Variants in CKAP5 observed in about 807,000 individuals in gnomAD.
CKAP5 encodes cytoskeleton associated protein 5.
CKAP5 carries 27 observed loss-of-function variants against 232.8 expected under a neutral mutation model. The observed-to-expected ratio is 0.12, with a 90% confidence interval of 0.09 to 0.16. CKAP5 has a LOEUF of 0.16. Among genes scored for constraint, CKAP5 ranks in the 10% least tolerant of loss-of-function variants. CKAP5 has a pLI of 1.00. For missense variants in CKAP5, 1,838 were observed against 2,424.7 expected (o/e 0.76, Z 5.08); for synonymous variants, 785 against 841.1 (o/e 0.93, Z 1.16).
chr11:46,743,892 C>T lies in CKAP5; in HGVS notation c.*131G>A. 1 of 1,126,386 alleles carries T rather than the reference C, an allele frequency of 8.9e-7. No individual in the cohort carries two copies. Among genetic ancestry groups the T allele is most frequent in the South Asian group, 1.4e-5 (1 of 69,392 alleles). The allele number at this position is 1,126,386 out of a possible 1,614,324, so 69.8% of individuals were successfully genotyped here. A position where few individuals can be genotyped will look rare whatever the true frequency, so the allele number is the denominator to read the frequency against. ...ACAAATACTTGTGCCACAATGACTC[C>T]TCCCCCTAGCTCCACGGCATGATAC... On this transcript the variant is annotated 3_prime_UTR_variant, in exon 44 of 44. Coordinates refer to ENST00000529230, the MANE Select transcript of CKAP5 (RefSeq NM_001008938.4).
chr11:46,785,586 C>A (rs956560914), intron 16 of CKAP5, among the ~76,000 whole-genome samples: 2 of 152,180 alleles, frequency 1.3e-5, no homozygotes, highest in Non-Finnish European at 2.9e-5. Flanking sequence ...AGTGGGATCT[C>A]ACCTCAGCCT....
At chr11:46,771,527 G>A (rs1321322650) in intron 24 of CKAP5, among the ~76,000 whole-genome samples, 2 of 152,000 alleles carry the variant, frequency 1.3e-5, no homozygotes, top group Admixed American at 1.3e-4. Context: ...ACAATTCCTT[G>A]GAGATTTATC....
intron 37 of CKAP5, chr11:46,752,986 A>C: frequency 2.3e-6 from 1 of 427,086 alleles, no homozygotes. Context: ...GTACAAGAAA[A>C]ATGTAACTGA....
chr11:46,745,997 CG>C (rs1272818263), intron 42 of CKAP5, among the ~76,000 whole-genome samples: 1 of 151,926 alleles, frequency 6.6e-6, no homozygotes, highest in Non-Finnish European at 1.5e-5. Context: ...CTTGGAAAGG[CG>C]TAATTTAAGG....
intron 28 of CKAP5, among the ~76,000 whole-genome samples, 199 bp downstream of exon 28, chr11:46,764,931 CA>C (rs2065189062): frequency 5.3e-5 from 1 of 18,720 alleles, no homozygotes; most frequent in Non-Finnish European, 1.2e-4. Flanking sequence ...TTTCTATTTA[CA>C]GGGAAAAATA....
chr11:46,788,477 G>A (rs1296528937), intron 16 of CKAP5, among the ~76,000 whole-genome samples: 1 of 152,144 alleles, frequency 6.6e-6, no homozygotes, highest in African/African-American at 2.4e-5. Flanking sequence ...GGGAGGCTGA[G>A]GCAGGAGAAT....
intron 42 of CKAP5, among the ~76,000 whole-genome samples, chr11:46,749,966 G>C (rs371264395): frequency 8.6e-5 from 13 of 151,218 alleles, no homozygotes; most frequent in African/African-American, 2.9e-4. Flanking sequence ...AAGTGAGCAA[G>C]AATCAGTCAA....
intron 6 of CKAP5, 77 bp downstream of exon 6, chr11:46,809,665 C>A: frequency 6.5e-7 from 1 of 1,529,324 alleles, no homozygotes. Context: ...ACAAAATATG[C>A]CTAATGAACA....
intron 4 of CKAP5, among the ~76,000 whole-genome samples, chr11:46,814,262 T>C (rs566227312): frequency 6.6e-6 from 1 of 151,692 alleles, no homozygotes; most frequent in African/African-American, 2.4e-5. Context: ...TCTAAGATAA[T>C]AGAATGAGCA....
At chr11:46,752,192 A>ATATG (rs2065071748) in intron 38 of CKAP5, among the ~76,000 whole-genome samples, 1 of 92,638 alleles carries the variant, frequency 1.1e-5, no homozygotes, top group Non-Finnish European at 2.4e-5. Flanking sequence ...ATATATATAT[A>ATATG]TACACACACA....
At chr11:46,757,281 T>C (rs2065117809) in intron 35 of CKAP5, among the ~76,000 whole-genome samples, 1 of 150,860 alleles carries the variant, frequency 6.6e-6, no homozygotes, top group African/African-American at 2.4e-5. Context: ...TCACCTGAGG[T>C]TGGGAGTTCA....
At position 46,796,910 on chromosome 11, in the gene CKAP5, C is replaced by T; in HGVS notation, c.1369G>A (p.Asp457Asn). Residue 457 changes from aspartate to asparagine, a missense_variant, in exon 12 of 44, where the codon GAT (aspartate) becomes AAT (asparagine). Asp to Asn is a conservative substitution (Grantham distance 23, BLOSUM62 1). Around this residue, in one of 6 missense-constraint regions of CKAP5, gnomAD observed 767 missense variants for 954.6 expected, o/e 0.80. Transcript: ENST00000529230. ...HINDSAPEVR[D>N]AAFEALGTAL... is the part of the protein sequence containing the mutation. ...GTACCCAATGCTTCAAATGCGGCAT[C>T]TCTGACTTCAGGAGCAGAATCATTG... The T allele has an allele frequency of 6.2e-7, 1 of 1,614,060 alleles. No individual in the cohort carries two copies. The highest frequency in any genetic ancestry group is 8.5e-7 in the Non-Finnish European group (1 of 1,179,952).
intron 42 of CKAP5, among the ~76,000 whole-genome samples, chr11:46,745,361 G>C (rs1252309725): frequency 6.6e-6 from 1 of 152,188 alleles, no homozygotes; most frequent in Non-Finnish European, 1.5e-5. Context: ...AGAATCCTCT[G>C]AGGGGGTGAA....
intron 1 of CKAP5, among the ~76,000 whole-genome samples, chr11:46,844,906 G>A (rs1415556774): frequency 2.0e-5 from 3 of 152,012 alleles, no homozygotes; most frequent in African/African-American, 4.8e-5. Flanking sequence ...CGCCCGCCTC[G>A]GCCTCCCAAA....
intron 20 of CKAP5, among the ~76,000 whole-genome samples, chr11:46,779,623 CTTTT>C (rs140123134): frequency 2.0e-5 from 3 of 150,886 alleles, no homozygotes; most frequent in East Asian, 1.9e-4. Context: ...TTCTTTCTTT[CTTTT>C]TTTTTCTTTT....
chr11:46,808,497 C>T (rs1328095410), intron 7 of CKAP5, among the ~76,000 whole-genome samples: 2 of 152,040 alleles, frequency 1.3e-5, no homozygotes, highest in Admixed American at 6.5e-5. Context: ...GCCAAGATCG[C>T]GCCACTGCAC....
At chr11:46,784,371 T>C in intron 17 of CKAP5, 117 bp downstream of exon 17, 8 of 803,378 alleles carry the variant, frequency 1.0e-5, no homozygotes, top group Non-Finnish European at 1.6e-5. Flanking sequence ...TCAAAAAAAA[T>C]GCAGTATCAA....
Position 46,790,685 on chromosome 11 carries a change from G to A in CKAP5, c.1651-102C>T, listed in dbSNP as rs1047639051. On this transcript the variant is annotated intron_variant, in intron 13 of 43. Transcript: ENST00000529230. ...TGAGACAGTGTCTCATATTGTTGTC[G>A]AGCCTGGAATGCAGCTGCACAAGCT... is the stretch of plus-strand genomic sequence containing the variant. 1.8e-4 allele frequency: 133 copies of A among 754,810 alleles called. 1 individual carries two copies. The Middle Eastern group carries it at 2.3e-3, about 13-fold the overall frequency. 46.8% of individuals were successfully genotyped at this position (754,810 alleles called of 1,614,324 possible).
At chr11:46,832,883 G>C (rs1278014155) in intron 1 of CKAP5, among the ~76,000 whole-genome samples, 1 of 152,068 alleles carries the variant, frequency 6.6e-6, no homozygotes. Context: ...CTTGAACCCA[G>C]GAGGTTGAAA....
Sources: allele counts gnomAD v4.1 joint callset (sites outside exome capture counted in the v4.1 genomes callset), GRCh38; gene constraint gnomAD v4.1.1; regional missense constraint gnomAD v4.1.1; transcripts MANE v1.5; gene names NCBI Gene and HGNC (gene_info 2026-07-23, HGNC 2026-07-21).